The following POT1 variants were observed in gnomAD, a reference collection of about 807,000 sequenced individuals.
The protein encoded by POT1 is protection of telomeres 1, also known as protection of telomeres protein 1.
A neutral mutation model predicts 78.5 loss-of-function variants in POT1; 47 were observed. The observed-to-expected ratio is 0.60, with a 90% confidence interval of 0.47 to 0.76. The LOEUF (loss-of-function observed/expected upper bound fraction) is 0.76. POT1 is among the 30% of genes least tolerant of loss of function. The pLI is 0.00. For missense variants in POT1, 646 were observed against 749.9 expected, an observed-to-expected ratio of 0.86 and a Z score of 1.62; for synonymous variants, 259 against 260.7, an observed-to-expected ratio of 0.99 and a Z score of 0.06.
chr7:124,895,827 A>G (rs1012955085), intron 5 of POT1, among the ~76,000 whole-genome samples: 1 of 151,638 alleles, frequency 6.6e-6, no homozygotes, highest in Non-Finnish European at 1.5e-5. Flanking sequence ...GGATGGCTGG[A>G]GTGTACTGGT....
At chr7:124,877,750 G>A (rs567143858) in intron 6 of POT1, among the ~76,000 whole-genome samples, 21 of 149,014 alleles carry the variant, frequency 1.4e-4, no homozygotes, top group African/African-American at 5.2e-4. Context: ...GGAGAGTGGC[G>A]TGAACCCGGG....
At chr7:124,892,415 A>T (rs1176397844) in intron 5 of POT1, 35 bp from the exon 6 acceptor site, 1 of 1,052,036 alleles carries the variant, frequency 9.5e-7, no homozygotes, top group African/African-American at 1.7e-5. Flanking sequence ...ACATTTATAC[A>T]AAGTATTTAC....
chr7:124,904,809 C>A (rs1260348180), intron 3 of POT1, among the ~76,000 whole-genome samples: 1 of 152,182 alleles, frequency 6.6e-6, no homozygotes, highest in Non-Finnish European at 1.5e-5. Context: ...TCTCCGGATA[C>A]AAAATCAATG....
chr7:124,895,963 C>T, intron 5 of POT1, among the ~76,000 whole-genome samples: 1 of 151,460 alleles, frequency 6.6e-6, no homozygotes, highest in Non-Finnish European at 1.5e-5. Flanking sequence ...AAATGATTAC[C>T]CTGAGTCACT....
chr7:124,907,660 C>T (rs1796797658), intron 3 of POT1, among the ~76,000 whole-genome samples: 1 of 152,024 alleles, frequency 6.6e-6, no homozygotes, highest in South Asian at 2.1e-4. Context: ...AAACCATGGA[C>T]TCTGAGTGAT....
intron 2 of POT1, among the ~76,000 whole-genome samples, chr7:124,928,477 T>G (rs1285813632): frequency 6.6e-6 from 1 of 152,198 alleles, no homozygotes; most frequent in Non-Finnish European, 1.5e-5. Flanking sequence ...AGCTCTCTCA[T>G]GTTCACACAT....
At chr7:124,868,948 A>G (rs1795799007) in intron 7 of POT1, among the ~76,000 whole-genome samples, 1 of 151,976 alleles carries the variant, frequency 6.6e-6, no homozygotes, top group Non-Finnish European at 1.5e-5. Context: ...TATTGAACTG[A>G]ATGGTAATGA....
rs546237347 is a variant in POT1 at position 124,853,282 on chromosome 7, C to A, written c.703-144G>T. On this transcript the variant is annotated intron_variant, in intron 9 of 18. Coordinates refer to ENST00000357628, the MANE Select transcript of POT1 (RefSeq NM_015450.3). The stretch of plus-strand genomic sequence containing the variant: ...TAAAGTATCTGCAAAGTATGCTATA[C>A]GAGTGTGGTTGAATATCAGCTGCAT... The A allele has an allele frequency of 3.3e-5, 20 of 613,416 alleles. No homozygotes were observed. In the East Asian group the frequency reaches 5.4e-4, roughly 16 times the overall value. The allele number at this position is 613,416 out of a possible 1,614,324, so 38.0% of individuals were successfully genotyped here. A position where few individuals can be genotyped will look rare whatever the true frequency, so the allele number is the denominator to read the frequency against.
At chr7:124,849,283 T>A (rs965690205) in intron 11 of POT1, among the ~76,000 whole-genome samples, 3 of 152,080 alleles carry the variant, frequency 2.0e-5, no homozygotes, top group African/African-American at 7.2e-5. Context: ...GTGTAAAACA[T>A]ACATGGTTGC....
chr7:124,893,775 T>C (rs1796429039), intron 5 of POT1, among the ~76,000 whole-genome samples: 1 of 151,560 alleles, frequency 6.6e-6, no homozygotes. Context: ...AATGACTTAC[T>C]AATCCCAGTA....
At chr7:124,858,865 A>G in intron 9 of POT1, 92 bp downstream of exon 9, 1 of 833,950 alleles carries the variant, frequency 1.2e-6, no homozygotes, top group Non-Finnish European at 1.8e-6. Context: ...TGTATCACCT[A>G]TACATGTAAC....
chr7:124,846,887 C>T, intron 12 of POT1, 55 bp downstream of exon 12: 1 of 1,263,468 alleles, frequency 7.9e-7, no homozygotes, highest in South Asian at 1.2e-5. Flanking sequence ...AGTGTAGAGG[C>T]AGACTTTATT....
chr7:124,923,889 T>TCAAA (rs142399246), intron 2 of POT1, among the ~76,000 whole-genome samples: 17 of 151,018 alleles, frequency 1.1e-4, no homozygotes, highest in Non-Finnish European at 1.8e-4. Context: ...TTCCAAGTGC[T>TCAAA]CAAACAAACA....
At chr7:124,862,185 G>A (rs1795614123) in intron 8 of POT1, among the ~76,000 whole-genome samples, 1 of 152,122 alleles carries the variant, frequency 6.6e-6, no homozygotes, top group Admixed American at 6.6e-5. Context: ...TGGGATGCAG[G>A]TATGTGCTGT....
At position 124,835,402 on chromosome 7, in the gene POT1, C is replaced by T; in HGVS notation, c.1382G>A (p.Ser461Asn). Residue 461 changes from serine (S) to asparagine (N), a missense_variant, in exon 15 of 19, where the codon AGT becomes AAT. By Grantham distance (46) the Ser-to-Asn change is conservative (BLOSUM62 1). Transcript: ENST00000357628. ...CTTGTTCGAGAGTTTGCAAATTTCA[C>T]TGAGTGTACCTCCTGTTAAGAGAAT... is the stretch of plus-strand genomic sequence containing the variant. ...CLLLIEGGTL[S>N]EICKLSNKFN... 6.2e-7 allele frequency: 1 copy of T among 1,611,644 alleles called. No homozygotes were observed. The highest frequency in any genetic ancestry group is 8.5e-7 in the Non-Finnish European group (1 of 1,177,808).
chr7:124,874,514 T>C (rs1302304326), intron 6 of POT1, among the ~76,000 whole-genome samples: 2 of 152,032 alleles, frequency 1.3e-5, no homozygotes, highest in South Asian at 2.1e-4. Context: ...GGGTGGATCA[T>C]TTGAGGTCCG....
At chr7:124,847,695 T>C (rs1467402444) in intron 11 of POT1, among the ~76,000 whole-genome samples, 3 of 152,198 alleles carry the variant, frequency 2.0e-5, no homozygotes, top group Non-Finnish European at 4.4e-5. Context: ...GGCATCAGGA[T>C]TGAAAAATAG....
intron 2 of POT1, among the ~76,000 whole-genome samples, chr7:124,919,531 T>A (rs1022524099): frequency 6.6e-6 from 1 of 152,148 alleles, no homozygotes; most frequent in African/African-American, 2.4e-5. Flanking sequence ...AAGAGGCCAT[T>A]AGAATGTGCC....
chr7:124,895,456 G>A (rs1333449182), intron 5 of POT1, among the ~76,000 whole-genome samples: 1 of 151,534 alleles, frequency 6.6e-6, no homozygotes, highest in Non-Finnish European at 1.5e-5. Flanking sequence ...AAGTTAACTA[G>A]CGGACAAAAA....
Sources: gnomAD v4.1 joint callset for allele counts (sites outside exome capture counted in the v4.1 genomes callset) on GRCh38, gnomAD v4.1.1 for gene constraint, MANE v1.5 for transcripts, NCBI Gene and HGNC (gene_info 2026-07-23, HGNC 2026-07-21) for gene names.